UBA5: variants seen among roughly 807,000 people sequenced by gnomAD.
UBA5 encodes ubiquitin-like modifier-activating enzyme 5.
In UBA5, 28 loss-of-function variants were observed where a neutral mutation model predicts 52.9. The ratio of observed to expected loss-of-function variants is 0.53; its 90% CI spans 0.39 to 0.73. UBA5 has a LOEUF of 0.73. Ranked by LOEUF, UBA5 falls within the 30% of genes least tolerant of loss-of-function variation. The probability of loss-of-function intolerance (pLI) is 0.00; values close to 1 mark genes in which losing one functional copy is unlikely to be tolerated. For missense variants in UBA5, 388 were observed against 492.7 expected, an observed-to-expected ratio of 0.79 and a Z score of 2.01; for synonymous variants, 135 against 162.1, an observed-to-expected ratio of 0.83 and a Z score of 1.27.
upstream of UBA5, chr3:132,659,826 G>T (rs941464042): frequency 8.0e-6 from 12 of 1,500,216 alleles, 1 homozygote; most frequent in Non-Finnish European, 1.1e-5. Flanking sequence ...TTGGGGCAAC[G>T]TCCCCTCTAG....
rs751998415 is a variant in UBA5 at position 132,675,377 on chromosome 3, A to T, written c.942A>T (p.Glu314Asp). The change falls in exon 9 of 12, where the codon GAA becomes GAT. Residue 314 changes from glutamate (E) to aspartate (D), a missense_variant. Transcript: ENST00000356232. ...GAAATTGCAGGAAGCAGCAGGAGGAATATAAGGTATATGACAATCTGTTAG... is the reference window on the plus strand; with the variant it reads ...GAAATTGCAGGAAGCAGCAGGAGGATTATAAGGTATATGACAATCTGTTAG... ...DDRNCRKQQE[E>D]YKKKVAALPK... 110 of 1,613,408 alleles carry T rather than the reference A, an allele frequency of 6.8e-5. No homozygotes were observed. Among genetic ancestry groups the T allele is most frequent in the Non-Finnish European group, 8.8e-5 (104 of 1,179,728 alleles).
Position 132,672,153 on chromosome 3 carries a change from G to T in UBA5, c.788G>T (p.Gly263Val). ...CCTACCACTATGGGTGTGGTTGCTGGGATCTTAGTACAAAACGTGTTAAAG... is the reference window on the plus strand; with the variant it reads ...CCTACCACTATGGGTGTGGTTGCTGTGATCTTAGTACAAAACGTGTTAAAG... ...SLPTTMGVVA[G>V]ILVQNVLKFL... is the part of the protein sequence containing the mutation. The change falls in exon 8 of 12, where the codon GGG (glycine) becomes GTG (valine). Residue 263 changes from glycine to valine, a missense_variant. By Grantham distance (109) the Gly-to-Val change is moderately radical. Coordinates refer to ENST00000356232, the MANE Select transcript of UBA5 (RefSeq NM_024818.6). 1 of 1,613,714 alleles carries T rather than the reference G, an allele frequency of 6.2e-7. No homozygotes were observed. The highest frequency in any genetic ancestry group is 8.5e-7 in the Non-Finnish European group (1 of 1,179,826).
rs376042625 is a variant in UBA5, at chr3:132,660,710, C to A, written c.161+12C>A. On this transcript the variant is annotated intron_variant, in intron 1 of 11. Transcript: ENST00000356232. This position sits in a 1 kb window ranked among gnomAD's most constrained non-coding sequence, Gnocchi z 4.1. ...TCGAATCCCTACAGGTAACCTGCGT[C>A]GCCGGTCGGAGGCAGGCGCGGGGGA... The A allele has an allele frequency of 9.8e-6, 15 of 1,531,162 alleles. No individual in the cohort carries two copies. The highest frequency in any genetic ancestry group is 1.3e-5 in the Non-Finnish European group (15 of 1,133,414). 94.8% of individuals were successfully genotyped at this position (1,531,162 alleles called of 1,614,324 possible). A position where few individuals can be genotyped will look rare whatever the true frequency, so the allele number is the denominator to read the frequency against.
At position 132,677,934 on chromosome 3, in the gene UBA5, T is replaced by C. The variant is rs1242934708; in HGVS notation, c.*1408T>C. ...TTGCCTTGGTGAGTCTTCTATCATT[T>C]TTTAAAAATTTAGCTTATTGAACTG... is the stretch of plus-strand genomic sequence containing the variant. On this transcript the variant is annotated 3_prime_UTR_variant, in exon 12 of 12. Transcript: ENST00000356232. 1 of 152,222 alleles carries C rather than the reference T, an allele frequency of 6.6e-6. No homozygotes were observed. Among genetic ancestry groups the C allele is most frequent in the Non-Finnish European group, 1.5e-5 (1 of 68,012 alleles). 9.4% of individuals were successfully genotyped at this position (152,222 alleles called of 1,614,324 possible).
At position 132,670,876 on chromosome 3, in the gene UBA5, A is replaced by T. The variant is rs1938570597; in HGVS notation, c.495-89A>T. ...TAATTATAGTCAAACATTTAATGAA[A>T]GAATAAGTGTTGGACTGAACAAGTA... On this transcript the variant is annotated intron_variant, in intron 5 of 11. Transcript: ENST00000356232. 4 of 776,808 alleles carry T rather than the reference A, an allele frequency of 5.1e-6. No individual in the cohort carries two copies. In the Admixed American group the frequency reaches 7.0e-5, roughly 14 times the overall value. The allele number at this position is 776,808 out of a possible 1,614,324, so 48.1% of individuals were successfully genotyped here.
At chr3:132,669,720 AT>A (rs1200937153) in intron 4 of UBA5, among the ~76,000 whole-genome samples, 1 of 152,172 alleles carries the variant, frequency 6.6e-6, no homozygotes. Context: ...TGCTTTAGGA[AT>A]TTCCTTTGTG....
chr3:132,668,158 AGT>A (rs10596982), intron 3 of UBA5: 23,393 of 145,754 alleles, frequency 0.16, 2,112 homozygotes, highest in African/African-American at 0.27. Flanking sequence ...TGGCCATTTT[AGT>A]GTGTGTGTGT....
chr3:132,671,063 C>T lies in UBA5; in HGVS notation c.579+14C>T. On this transcript the variant is annotated intron_variant, in intron 6 of 11. Transcript: ENST00000356232. ...ACAATAAATACAGTGAGTATTCCTG[C>T]TGTGCAAGATATATTCATGGATTTA... 6.3e-7 allele frequency: 1 copy of T among 1,597,838 alleles called. No individual in the cohort carries two copies. Among genetic ancestry groups the T allele is most frequent in the South Asian group, 1.1e-5 (1 of 90,592 alleles).
intron 3 of UBA5, chr3:132,668,119 T>TG (rs1225604845): frequency 2.6e-5 from 4 of 152,034 alleles, no homozygotes; most frequent in Admixed American, 1.3e-4. Context: ...GGCTCTAGCC[T>TG]GTTCTTACTG....
intron 1 of UBA5, chr3:132,661,103 C>A: frequency 3.4e-6 from 2 of 595,238 alleles, no homozygotes; most frequent in Non-Finnish European, 5.5e-6. Flanking sequence ...GGGGTCGGGG[C>A]GGGGGAGAGC....
chr3:132,670,343 T>G (rs1465504648), intron 5 of UBA5, 59 bp downstream of exon 5: 1 of 740,130 alleles, frequency 1.4e-6, no homozygotes, highest in Non-Finnish European at 2.2e-6. Flanking sequence ...TAGAAAATTA[T>G]TAGAAAAATC....
At chr3:132,667,322 A>G in intron 3 of UBA5, 1 of 152,200 alleles carries the variant, frequency 6.6e-6, no homozygotes, top group East Asian at 1.9e-4. Context: ...TTGAGTAGCA[A>G]AGAGGTAGAA....
At chr3:132,672,013 CTCT>C in intron 7 of UBA5, 34 bp from the exon 8 acceptor site, 1 of 1,608,942 alleles carries the variant, frequency 6.2e-7, no homozygotes, top group Non-Finnish European at 8.5e-7. Flanking sequence ...CATACTTTTT[CTCT>C]TTTTTTTTGA....
rs1374531387 is a variant in UBA5, at chr3:132,665,676, A to G, written c.162-147A>G. 4 of 757,740 alleles carry G rather than the reference A, an allele frequency of 5.3e-6. No homozygotes were observed. In the East Asian group the frequency reaches 8.1e-5, roughly 15 times the overall value. The allele number at this position is 757,740 out of a possible 1,614,324, so 46.9% of individuals were successfully genotyped here. On this transcript the variant is annotated intron_variant, in intron 1 of 11. Coordinates refer to ENST00000356232, the MANE Select transcript of UBA5 (RefSeq NM_024818.6). Reference sequence around the variant, plus strand: ...CCTGGGTAATTTAGTTTCATCTGGTAAAAACCAGCCTGTAAGCATCCTCCT... The same window carrying G: ...CCTGGGTAATTTAGTTTCATCTGGTGAAAACCAGCCTGTAAGCATCCTCCT...
chr3:132,679,729 C>CTATGT lies in UBA5; in HGVS notation c.*3204_*3208dup, dbSNP rs1321722195. Among the ~76,000 whole-genome samples, 1 of 152,098 alleles carries CTATGT rather than the reference C, an allele frequency of 6.6e-6. No homozygotes were observed. Among genetic ancestry groups the CTATGT allele is most frequent in the Non-Finnish European group, 1.5e-5 (1 of 68,028 alleles). ...GGTGATAAACCGAACACATTACTTG[C>CTATGT]TATGTATTAAATGACTTGTACCACT... On this transcript the variant is annotated 3_prime_UTR_variant, in exon 12 of 12. Transcript: ENST00000356232.
In UBA5 at chr3:132,661,177, A is replaced by C. The variant is rs935926950; in HGVS notation, c.161+479A>C. 14 of 637,188 alleles carry C rather than the reference A, an allele frequency of 2.2e-5. No individual in the cohort carries two copies. In the Admixed American group the frequency reaches 3.7e-4, roughly 17 times the overall value. 39.5% of individuals were successfully genotyped at this position (637,188 alleles called of 1,614,324 possible). The stretch of plus-strand genomic sequence containing the variant: ...ACATCTCAAACCATTCGACATTACC[A>C]AGACTGCCCAGGCCTCTCTTTTCTT... On this transcript the variant is annotated intron_variant, in intron 1 of 11. Coordinates refer to ENST00000356232, the MANE Select transcript of UBA5 (RefSeq NM_024818.6).
intron 1 of UBA5, among the ~76,000 whole-genome samples, chr3:132,664,466 T>C (rs1938289719): frequency 6.6e-6 from 1 of 151,426 alleles, no homozygotes; most frequent in Non-Finnish European, 1.5e-5. Context: ...CTGGAAGATG[T>C]TCTTCTAACC....
At chr3:132,671,172 G>C (rs1938584643) in intron 6 of UBA5, 123 bp downstream of exon 6, 2 of 787,582 alleles carry the variant, frequency 2.5e-6, no homozygotes, top group East Asian at 5.5e-5. Flanking sequence ...TGTTTTATTT[G>C]TAATGTTCTC....
At position 132,665,749 on chromosome 3, in the gene UBA5, A is replaced by G; in HGVS notation, c.162-74A>G. 2.2e-6 allele frequency: 3 copies of G among 1,368,680 alleles called. No homozygotes were observed. The Admixed American group carries it at 5.6e-5, about 25-fold the overall frequency. 84.8% of individuals were successfully genotyped at this position (1,368,680 alleles called of 1,614,324 possible). A position where few individuals can be genotyped will look rare whatever the true frequency, so the allele number is the denominator to read the frequency against. ...TATATTTTGGTGTTTATTTTCTGTGATGATGTATGTCTATTTGTATTACTA... is the reference window on the plus strand; with the variant it reads ...TATATTTTGGTGTTTATTTTCTGTGGTGATGTATGTCTATTTGTATTACTA... On this transcript the variant is annotated intron_variant, in intron 1 of 11. Transcript: ENST00000356232.
Sources: allele counts gnomAD v4.1 joint callset (sites outside exome capture counted in the v4.1 genomes callset), GRCh38; gene constraint gnomAD v4.1.1; non-coding constraint Gnocchi (gnomAD v3.1); transcripts MANE v1.5; gene names NCBI Gene and HGNC (gene_info 2026-07-23, HGNC 2026-07-21).